The following RAB11A variants were observed in gnomAD, a reference collection of about 807,000 sequenced individuals.
The protein encoded by RAB11A is RAB11A, member RAS oncogene family.
RAB11A carries 9 observed loss-of-function variants against 28.0 expected under a neutral mutation model. The observed-to-expected ratio is 0.32, with a 90% confidence interval of 0.19 to 0.56. The LOEUF is 0.56. Ranked by LOEUF, RAB11A falls within the 20% of genes least tolerant of loss-of-function variation. The pLI is 0.91. For missense variants in RAB11A, 108 were observed against 269.6 expected, an observed-to-expected ratio of 0.40 and a Z score of 4.20; for synonymous variants, 85 against 88.2, an observed-to-expected ratio of 0.96 and a Z score of 0.20.
rs147220650 is a variant in RAB11A at position 65,877,570 on chromosome 15, C to A, written c.236+43C>A. On this transcript the variant is annotated intron_variant, in intron 2 of 4. Transcript: ENST00000261890. This position sits in a 1 kb window ranked among gnomAD's most constrained non-coding sequence, Gnocchi z 4.1. Reference sequence around the variant, plus strand: ...TAAGTTCTGTGAAATGGGTTGCCATCGAGTGAATTAGCTGACTTTTGGTAT... The same window carrying A: ...TAAGTTCTGTGAAATGGGTTGCCATAGAGTGAATTAGCTGACTTTTGGTAT... 11 of 1,558,398 alleles carry A rather than the reference C, an allele frequency of 7.1e-6. No homozygotes were observed. Among genetic ancestry groups the A allele is most frequent in the African/African-American group, 2.7e-5 (2 of 72,834 alleles).
intron 4 of RAB11A, among the ~76,000 whole-genome samples, chr15:65,882,506 T>C (rs1280919154): frequency 6.6e-6 from 1 of 152,242 alleles, no homozygotes; most frequent in Non-Finnish European, 1.5e-5. Context: ...CTTGAATTCC[T>C]GAGCTCAAGC....
chr15:65,887,986 C>A lies in RAB11A; in HGVS notation c.*146C>A. The A allele has an allele frequency of 2.2e-6, 2 of 894,406 alleles. No homozygotes were observed. The highest frequency in any genetic ancestry group is 3.1e-6 in the Non-Finnish European group (2 of 651,186). The allele number at this position is 894,406 out of a possible 1,614,324, so 55.4% of individuals were successfully genotyped here. A position where few individuals can be genotyped will look rare whatever the true frequency, so the allele number is the denominator to read the frequency against. ...CATGTCCTAAGTCTTTTGATTTTAGCTTTATAAAATCATCCACTTGTCCCG... is the reference window on the plus strand; with the variant it reads ...CATGTCCTAAGTCTTTTGATTTTAGATTTATAAAATCATCCACTTGTCCCG... On this transcript the variant is annotated 3_prime_UTR_variant, in exon 5 of 5. Coordinates refer to ENST00000261890, the MANE Select transcript of RAB11A (RefSeq NM_004663.5).
At chr15:65,881,069 G>T (rs2078219619) in intron 4 of RAB11A, among the ~76,000 whole-genome samples, 1 of 152,120 alleles carries the variant, frequency 6.6e-6, no homozygotes, top group Non-Finnish European at 1.5e-5. Flanking sequence ...GGCAATTAAG[G>T]CATGAGAAAA....
chr15:65,877,184 C>T lies in RAB11A; in HGVS notation c.41-148C>T, dbSNP rs1008252779. On this transcript the variant is annotated intron_variant, in intron 1 of 4. Coordinates refer to ENST00000261890, the MANE Select transcript of RAB11A (RefSeq NM_004663.5). This position sits in a 1 kb window ranked among gnomAD's most constrained non-coding sequence, Gnocchi z 4.1. ...ACTGGTCAAGAACATGCTGTTCAAC[C>T]CCCTACCCCCATTCCTTTTTAAAAG... 56 of 638,990 alleles carry T rather than the reference C, an allele frequency of 8.8e-5. No individual in the cohort carries two copies. The African/African-American group carries it at 9.7e-4, about 11-fold the overall frequency. 39.6% of individuals were successfully genotyped at this position (638,990 alleles called of 1,614,324 possible).
intron 1 of RAB11A, among the ~76,000 whole-genome samples, chr15:65,871,843 A>G (rs1408141953): frequency 1.3e-5 from 2 of 150,578 alleles, no homozygotes; most frequent in Non-Finnish European, 3.0e-5. Context: ...TTAAATAATG[A>G]GACTGTTCGT....
At chr15:65,872,503 C>T (rs549355202) in intron 1 of RAB11A, among the ~76,000 whole-genome samples, 16 of 149,602 alleles carry the variant, frequency 1.1e-4, no homozygotes, top group South Asian at 2.1e-4. Flanking sequence ...GACGCGATCT[C>T]GGCTCATTGC....
In RAB11A at chr15:65,887,985, G is replaced by T; in HGVS notation, c.*145G>T. 1.1e-6 allele frequency: 1 copy of T among 903,202 alleles called. No individual in the cohort carries two copies. The highest frequency in any genetic ancestry group is 1.5e-6 in the Non-Finnish European group (1 of 660,610). The allele number at this position is 903,202 out of a possible 1,614,324, so 55.9% of individuals were successfully genotyped here. A position where few individuals can be genotyped will look rare whatever the true frequency, so the allele number is the denominator to read the frequency against. On this transcript the variant is annotated 3_prime_UTR_variant, in exon 5 of 5. Transcript: ENST00000261890. Reference sequence around the variant, plus strand: ...CCATGTCCTAAGTCTTTTGATTTTAGCTTTATAAAATCATCCACTTGTCCC... The same window carrying T: ...CCATGTCCTAAGTCTTTTGATTTTATCTTTATAAAATCATCCACTTGTCCC...
Position 65,891,117 on chromosome 15 carries a change from C to T in RAB11A, c.*3277C>T, listed in dbSNP as rs1244408209. On this transcript the variant is annotated 3_prime_UTR_variant, in exon 5 of 5. Coordinates refer to ENST00000261890, the MANE Select transcript of RAB11A (RefSeq NM_004663.5). The stretch of plus-strand genomic sequence containing the variant: ...GGTTGGGTGGTGCTGGTGCCACGCC[C>T]CTTTCTGGGATTTGACAAGTCTTTC... 6.6e-6 allele frequency: 1 copy of T among 152,140 alleles called. No individual in the cohort carries two copies. The highest frequency in any genetic ancestry group is 2.4e-5 in the African/African-American group (1 of 41,414). The allele number at this position is 152,140 out of a possible 1,614,324, so 9.4% of individuals were successfully genotyped here.
At position 65,869,662 on chromosome 15, in the gene RAB11A, G is replaced by T. The variant is rs200680382; in HGVS notation, c.40+37G>T. 4.8e-5 allele frequency: 77 copies of T among 1,593,256 alleles called. No individual in the cohort carries two copies. In the South Asian group the frequency reaches 6.8e-4, roughly 14 times the overall value. On this transcript the variant is annotated intron_variant, in intron 1 of 4. Coordinates refer to ENST00000261890, the MANE Select transcript of RAB11A (RefSeq NM_004663.5). The stretch of plus-strand genomic sequence containing the variant: ...GGCTCTCGCACTCTACACAGTCCTC[G>T]TTCGGGGACCCGGGCCACTCCCGGT...
chr15:65,869,784 C>T (rs1348014551), intron 1 of RAB11A, among the ~76,000 whole-genome samples, 159 bp downstream of exon 1: 1 of 152,182 alleles, frequency 6.6e-6, no homozygotes, highest in Non-Finnish European at 1.5e-5. Flanking sequence ...CCTCTTCTCC[C>T]CCGCTCAGAC....
chr15:65,877,316 T>A lies in RAB11A; in HGVS notation c.41-16T>A. ...TTTGCCTCATTCATCTGACATTGAATTCTTTGTCTTTCCAGTTGTCCTTAT... is the reference window on the plus strand; with the variant it reads ...TTTGCCTCATTCATCTGACATTGAAATCTTTGTCTTTCCAGTTGTCCTTAT... On this transcript the variant is annotated splice_polypyrimidine_tract_variant and intron_variant, in intron 1 of 4. Coordinates refer to ENST00000261890, the MANE Select transcript of RAB11A (RefSeq NM_004663.5). The surrounding 1 kb of genome is among the most constrained non-coding windows in gnomAD (Gnocchi z 4.1). 1 of 1,594,640 alleles carries A rather than the reference T, an allele frequency of 6.3e-7. No individual in the cohort carries two copies. The highest frequency in any genetic ancestry group is 8.6e-7 in the Non-Finnish European group (1 of 1,166,610).
Position 65,869,754 on chromosome 15 carries a change from C to T in RAB11A, c.40+129C>T, listed in dbSNP as rs1483139884. On this transcript the variant is annotated intron_variant, in intron 1 of 4. Transcript: ENST00000261890. Reference sequence around the variant, plus strand: ...CTCAGCCCTTCCTTTTTGTGCGGTTCCGTCTCCTACCCAGCTCAGCCTCTT... The same window carrying T: ...CTCAGCCCTTCCTTTTTGTGCGGTTTCGTCTCCTACCCAGCTCAGCCTCTT... 4.1e-6 allele frequency: 4 copies of T among 985,566 alleles called. No homozygotes were observed. The African/African-American group carries it at 6.6e-5, about 16-fold the overall frequency. The allele number at this position is 985,566 out of a possible 1,614,324, so 61.1% of individuals were successfully genotyped here. A position where few individuals can be genotyped will look rare whatever the true frequency, so the allele number is the denominator to read the frequency against.
rs960414631 is a variant in RAB11A at position 65,871,919 on chromosome 15, G to GTTTTT, written c.40+2319_40+2323dup. ...GAAAGAAGTTACTGTGGTTTTGTCA[G>GTTTTT]TTTTTTTTTTTTTTTTTTTTTTTTT... On this transcript the variant is annotated intron_variant, in intron 1 of 4. Transcript: ENST00000261890. Among the ~76,000 whole-genome samples, 54 of 72,054 alleles carry GTTTTT rather than the reference G, an allele frequency of 7.5e-4. 4 individuals carry two copies. The highest frequency in any genetic ancestry group is 2.6e-3 in the East Asian group (5 of 1,918). 47.3% of individuals were successfully genotyped at this position (72,054 alleles called of 152,430 possible). A position where few individuals can be genotyped will look rare whatever the true frequency, so the allele number is the denominator to read the frequency against.
At position 65,877,260 on chromosome 15, in the gene RAB11A, CT is replaced by C; in HGVS notation, c.41-71del. On this transcript the variant is annotated intron_variant, in intron 1 of 4. Transcript: ENST00000261890. The surrounding 1 kb of genome is among the most constrained non-coding windows in gnomAD (Gnocchi z 4.1). ...ATTTACTCTGAAGCCAAACTTCATT[CT>C]GTTGAAAGCATAGTGGTGTTCTGAA... The C allele has an allele frequency of 1.6e-6, 2 of 1,264,800 alleles. No individual in the cohort carries two copies. Among genetic ancestry groups the C allele is most frequent in the Non-Finnish European group, 2.2e-6 (2 of 917,556 alleles). 78.3% of individuals were successfully genotyped at this position (1,264,800 alleles called of 1,614,324 possible). A position where few individuals can be genotyped will look rare whatever the true frequency, so the allele number is the denominator to read the frequency against.
At position 65,887,787 on chromosome 15, in the gene RAB11A, G is replaced by A. The variant is rs1015728032; in HGVS notation, c.598G>A (p.Val200Ile). The A allele has an allele frequency of 1.2e-6, 2 of 1,613,666 alleles. No individual in the cohort carries two copies. Among genetic ancestry groups the A allele is most frequent in the Non-Finnish European group, 1.7e-6 (2 of 1,179,842 alleles). Reference sequence around the variant, plus strand: ...AAGCAACAATGTGGTTCCTATTCATGTTCCACCAACCACTGAAAACAAGCC... The same window carrying A: ...AAGCAACAATGTGGTTCCTATTCATATTCCACCAACCACTGAAAACAAGCC... ...SPSNNVVPIH[V>I]PPTTENKPKV... is the part of the protein sequence containing the mutation. The change falls in exon 5 of 5, where the codon GTT becomes ATT. Residue 200 changes from valine to isoleucine, a missense_variant. Physicochemically the swap from Val to Ile is conservative, Grantham distance 29. Around this residue, in one of 2 missense-constraint regions of RAB11A, gnomAD observed 85 missense variants for 145.9 expected, o/e 0.58. Coordinates refer to ENST00000261890, the MANE Select transcript of RAB11A (RefSeq NM_004663.5).
intron 1 of RAB11A, among the ~76,000 whole-genome samples, chr15:65,871,927 T>G (rs2078163640): frequency 7.8e-6 from 1 of 128,592 alleles, no homozygotes; most frequent in Admixed American, 7.7e-5. Context: ...CAGTTTTTTT[T>G]TTTTTTTTTT....
At chr15:65,870,518 C>T (rs1246696246) in intron 1 of RAB11A, among the ~76,000 whole-genome samples, 2 of 152,230 alleles carry the variant, frequency 1.3e-5, no homozygotes, top group Non-Finnish European at 2.9e-5. Flanking sequence ...TTACTCGGTT[C>T]GCGAGATGAG....
chr15:65,878,394 A>C (rs1184164518), intron 3 of RAB11A, among the ~76,000 whole-genome samples: 2 of 152,186 alleles, frequency 1.3e-5, no homozygotes, highest in Non-Finnish European at 2.9e-5. Context: ...GGCTAGTGAA[A>C]GTCTTGCGGC....
rs969689636 is a variant in RAB11A at position 65,891,007 on chromosome 15, G to T, written c.*3167G>T. On this transcript the variant is annotated 3_prime_UTR_variant, in exon 5 of 5. Coordinates refer to ENST00000261890, the MANE Select transcript of RAB11A (RefSeq NM_004663.5). ...AAAAAAATGAACAAAGATTGTGAAA[G>T]GATCCTCTTCCACCACATCATTTAA... 2.0e-5 allele frequency: 3 copies of T among 152,224 alleles called. No homozygotes were observed. The highest frequency in any genetic ancestry group is 7.2e-5 in the African/African-American group (3 of 41,464). 9.4% of individuals were successfully genotyped at this position (152,224 alleles called of 1,614,324 possible).
Sources: allele counts gnomAD v4.1 joint callset (sites outside exome capture counted in the v4.1 genomes callset), GRCh38; gene constraint gnomAD v4.1.1; regional missense constraint gnomAD v4.1.1; non-coding constraint Gnocchi (gnomAD v3.1); transcripts MANE v1.5; gene names NCBI Gene and HGNC (gene_info 2026-07-23, HGNC 2026-07-21).